KIAA2012: variants seen among roughly 807,000 people sequenced by gnomAD.
KIAA2012 encodes the protein uncharacterized protein KIAA2012.
In KIAA2012, 125 loss-of-function variants were observed where a neutral mutation model predicts 150.6. That is an observed-to-expected ratio of 0.83 (90% CI 0.72 to 0.96). KIAA2012 has a LOEUF of 0.96. Ranked by LOEUF, KIAA2012 falls within the 40% of genes least tolerant of loss-of-function variation. The pLI, the probability that KIAA2012 is intolerant of heterozygous loss-of-function variation, is 0.00. For missense variants in KIAA2012, 1,219 were observed against 1,354.9 expected (o/e 0.90, Z 1.57); for synonymous variants, 462 against 504.7 (o/e 0.92, Z 1.13).
At position 202,203,334 on chromosome 2, in the gene KIAA2012, AACC is replaced by A. The variant is rs370495665; in HGVS notation, c.*20+750_*20+752del. Among the ~76,000 whole-genome samples, 514 of 152,318 alleles carry A rather than the reference AACC, an allele frequency of 3.4e-3. 3 individuals carry two copies. The highest frequency in any genetic ancestry group is 0.012 in the African/African-American group (482 of 41,576). ...TATTATACATCTCTCTATAAAGCAAAACCACAACCATTTCACCTTAAGAATCTA... is the reference window on the plus strand; with the variant it reads ...TATTATACATCTCTCTATAAAGCAAAACAACCATTTCACCTTAAGAATCTA... On this transcript the variant is annotated intron_variant, in intron 23 of 23. Transcript: ENST00000498697.
chr2:202,186,239 G>C (rs745749412), intron 16 of KIAA2012, among the ~76,000 whole-genome samples: 1 of 152,074 alleles, frequency 6.6e-6, no homozygotes, highest in East Asian at 1.9e-4. Context: ...ATTGCCAGGC[G>C]TGGTGGCTCA....
chr2:202,073,560 G>A lies in KIAA2012; in HGVS notation c.-68G>A. ...TGCTGTGAGCTCTGGAAATCTTGAG[G>A]TGTGACCAGATTTCAGCCTTCAAAA... On this transcript the variant is annotated 5_prime_UTR_variant, in exon 1 of 24. It adds an upstream start codon to the 5' untranslated region. Transcript: ENST00000498697. The A allele has an allele frequency of 4.4e-6, 6 of 1,363,724 alleles. No individual in the cohort carries two copies. Among genetic ancestry groups the A allele is most frequent in the South Asian group, 2.5e-5 (2 of 78,478 alleles). 84.5% of individuals were successfully genotyped at this position (1,363,724 alleles called of 1,614,324 possible). A position where few individuals can be genotyped will look rare whatever the true frequency, so the allele number is the denominator to read the frequency against.
rs138139388 is a variant in KIAA2012 at position 202,153,939 on chromosome 2, T to C, written c.1909-734T>C. On this transcript the variant is annotated intron_variant, in intron 13 of 23. Coordinates refer to ENST00000498697, the MANE Select transcript of KIAA2012 (RefSeq NM_001277372.4). ...CCTTTGAAGGTATCAAGCAGAGAAG[T>C]GATATGGTCCAGTATGCATCTTCGA... 2.2e-4 allele frequency among the ~76,000 whole-genome samples: 34 copies of C among 152,186 alleles called. 1 individual carries two copies. In the East Asian group the frequency reaches 6.2e-3, roughly 28 times the overall value.
At chr2:202,096,956 C>T (rs369903864) in intron 4 of KIAA2012, among the ~76,000 whole-genome samples, 3 of 152,100 alleles carry the variant, frequency 2.0e-5, no homozygotes, top group African/African-American at 7.2e-5. Context: ...GAGGCTTTTC[C>T]ACAAGTAAAG....
intron 1 of KIAA2012, 62 bp from the exon 2 acceptor site, chr2:202,074,829 A>C: frequency 1.4e-6 from 2 of 1,453,908 alleles, no homozygotes; most frequent in Middle Eastern, 1.8e-4. Context: ...TTGCACAAGC[A>C]GTATTTGCTA....
intron 6 of KIAA2012, 28 bp from the exon 7 acceptor site, chr2:202,100,279 T>TATTCTC: frequency 6.5e-7 from 1 of 1,543,086 alleles, no homozygotes. Flanking sequence ...GCAATTAATA[T>TATTCTC]ATTCTCATTC....
chr2:202,088,939 T>C (rs539868820), intron 2 of KIAA2012, among the ~76,000 whole-genome samples: 57 of 152,234 alleles, frequency 3.7e-4, no homozygotes, highest in Admixed American at 1.5e-3. Context: ...ATCACAAAGT[T>C]CCCATGAGGC....
intron 12 of KIAA2012, among the ~76,000 whole-genome samples, chr2:202,130,851 A>C (rs953708005): frequency 2.6e-5 from 4 of 152,148 alleles, no homozygotes; most frequent in Non-Finnish European, 5.9e-5. Context: ...CAGGAGGCAG[A>C]GGTTGCAGTG....
chr2:202,135,682 A>G (rs1410260777), intron 12 of KIAA2012: 1 of 152,232 alleles, frequency 6.6e-6, no homozygotes, highest in Non-Finnish European at 1.5e-5. Flanking sequence ...TTCCTTATGC[A>G]TTAGAATTCA....
intron 18 of KIAA2012, among the ~76,000 whole-genome samples, chr2:202,188,544 A>G (rs572932939): frequency 3.3e-4 from 51 of 152,286 alleles, no homozygotes; most frequent in African/African-American, 1.1e-3. Context: ...ATTTATTAGG[A>G]CTCTGTATAT....
At chr2:202,108,086 G>A (rs1160084094) in intron 9 of KIAA2012, among the ~76,000 whole-genome samples, 1 of 152,118 alleles carries the variant, frequency 6.6e-6, no homozygotes, top group Non-Finnish European at 1.5e-5. Flanking sequence ...CTGCTGCACG[G>A]GCATATTGAT....
At chr2:202,081,878 C>T (rs1358652249) in intron 2 of KIAA2012, among the ~76,000 whole-genome samples, 1 of 152,064 alleles carries the variant, frequency 6.6e-6, no homozygotes, top group African/African-American at 2.4e-5. Context: ...TAACCAGATC[C>T]TTTTGTAGTT....
intron 13 of KIAA2012, among the ~76,000 whole-genome samples, chr2:202,152,191 C>G (rs534268089): frequency 6.6e-6 from 1 of 152,196 alleles, no homozygotes; most frequent in East Asian, 1.9e-4. Context: ...ATCATTCATT[C>G]ATTAGAACAC....
chr2:202,114,831 C>A, intron 11 of KIAA2012: 1 of 165,066 alleles, frequency 6.1e-6, no homozygotes. Flanking sequence ...GTCCCAGTCC[C>A]ACAGATGGTA....
intron 19 of KIAA2012, among the ~76,000 whole-genome samples, chr2:202,191,563 AAG>A (rs1249063567): frequency 5.3e-5 from 8 of 151,842 alleles, no homozygotes; most frequent in Non-Finnish European, 1.0e-4. Context: ...CAAAAAAAAA[AAG>A]AAAAAAAAGA....
intron 15 of KIAA2012, among the ~76,000 whole-genome samples, chr2:202,171,084 C>A (rs1478286783): frequency 6.7e-6 from 1 of 150,252 alleles, no homozygotes; most frequent in African/African-American, 2.5e-5. Context: ...ACAGCAAGGT[C>A]CGGGGAAATA....
chr2:202,137,428 T>C, intron 12 of KIAA2012: 1 of 151,638 alleles, frequency 6.6e-6, no homozygotes, highest in East Asian at 1.9e-4. Flanking sequence ...GTGATTCTCC[T>C]GCCTCAGCCT....
intron 9 of KIAA2012, among the ~76,000 whole-genome samples, chr2:202,107,208 A>G (rs932276498): frequency 4.0e-5 from 6 of 150,486 alleles, no homozygotes; most frequent in African/African-American, 1.2e-4. Context: ...TATAAGCCCA[A>G]CATTGTGACT....
chr2:202,087,658 T>A (rs1162096130), intron 2 of KIAA2012, among the ~76,000 whole-genome samples: 1 of 152,024 alleles, frequency 6.6e-6, no homozygotes, highest in Non-Finnish European at 1.5e-5. Flanking sequence ...TCAAGCGCTA[T>A]CTTTTCCTTC....
Sources: allele counts gnomAD v4.1 joint callset (sites outside exome capture counted in the v4.1 genomes callset), GRCh38; gene constraint gnomAD v4.1.1; transcripts MANE v1.5; gene names NCBI Gene and HGNC (gene_info 2026-07-23, HGNC 2026-07-21).